Variants in SLC44A5 observed in about 807,000 individuals in gnomAD.
The protein encoded by SLC44A5 is solute carrier family 44 member 5.
Under a neutral mutation model 101.8 loss-of-function variants are expected in SLC44A5, and 57 were observed. The observed-to-expected ratio is 0.56, with a 90% CI of 0.45 to 0.70. The LOEUF (loss-of-function observed/expected upper bound fraction) is 0.70, where lower values mean the gene tolerates loss of function less well. Among genes scored for constraint, SLC44A5 ranks in the 30% least tolerant of loss-of-function variants. The probability of loss-of-function intolerance (pLI) is 0.00; values close to 1 mark genes in which losing one functional copy is unlikely to be tolerated. For missense variants in SLC44A5, 737 were observed against 853.1 expected, an observed-to-expected ratio of 0.86 and a Z score of 1.70; for synonymous variants, 281 against 290.9, an observed-to-expected ratio of 0.97 and a Z score of 0.35.
the SLC44A5 span, among the ~76,000 whole-genome samples, chr1:75,643,653 T>C: frequency 6.6e-6 from 1 of 152,214 alleles, no homozygotes; most frequent in South Asian, 2.1e-4. Context: ...GTTCTCAGGA[T>C]AGTAAATAAG....
chr1:75,532,285 C>T (rs1430965214), intron 2 of SLC44A5, among the ~76,000 whole-genome samples: 2 of 152,218 alleles, frequency 1.3e-5, no homozygotes, highest in Non-Finnish European at 2.9e-5. Flanking sequence ...GATTTAAAAT[C>T]CACCTCTTAC....
At chr1:75,442,282 C>T (rs1166276342) in intron 2 of SLC44A5, among the ~76,000 whole-genome samples, 1 of 151,992 alleles carries the variant, frequency 6.6e-6, no homozygotes, top group Non-Finnish European at 1.5e-5. Context: ...AATAATGAAC[C>T]TTGTTAAAGA....
chr1:75,256,675 A>G (rs1650047632), intron 6 of SLC44A5, among the ~76,000 whole-genome samples: 1 of 152,174 alleles, frequency 6.6e-6, no homozygotes, highest in Non-Finnish European at 1.5e-5. Flanking sequence ...GTATTTATAG[A>G]AAGTATTTCC....
intron 4 of SLC44A5, among the ~76,000 whole-genome samples, chr1:75,325,773 TG>T: frequency 6.6e-6 from 1 of 151,978 alleles, no homozygotes; most frequent in East Asian, 1.9e-4. Flanking sequence ...TGTGTGTGTG[TG>T]TGTGTAGAGT....
chr1:75,206,602 C>T (rs776096847), intron 23 of SLC44A5: 5 of 1,565,452 alleles, frequency 3.2e-6, no homozygotes, highest in Non-Finnish European at 4.4e-6. Context: ...CTGTTTGGAG[C>T]TTTTCTACTC....
chr1:75,228,858 T>A (rs1411174302), intron 12 of SLC44A5, among the ~76,000 whole-genome samples: 1 of 151,716 alleles, frequency 6.6e-6, no homozygotes, highest in African/African-American at 2.4e-5. Flanking sequence ...TTTTGTTATG[T>A]ACATTTTAAA....
intron 6 of SLC44A5, among the ~76,000 whole-genome samples, chr1:75,267,405 T>C (rs973885386): frequency 2.0e-5 from 3 of 152,188 alleles, no homozygotes; most frequent in Non-Finnish European, 4.4e-5. Context: ...TTTTAAATTA[T>C]TTAATTTTGG....
At chr1:75,539,800 A>T (rs1671254180) in intron 2 of SLC44A5, among the ~76,000 whole-genome samples, 1 of 152,192 alleles carries the variant, frequency 6.6e-6, no homozygotes, top group African/African-American at 2.4e-5. Flanking sequence ...TAAAAAGTAG[A>T]CGTCACTGTG....
At chr1:75,575,676 C>A (rs1373655556) in intron 1 of SLC44A5, among the ~76,000 whole-genome samples, 1 of 152,144 alleles carries the variant, frequency 6.6e-6, no homozygotes, top group Non-Finnish European at 1.5e-5. Flanking sequence ...GTATATATTT[C>A]TATTGTAATA....
At chr1:75,337,799 G>C (rs769421346) in intron 4 of SLC44A5, among the ~76,000 whole-genome samples, 1 of 152,160 alleles carries the variant, frequency 6.6e-6, no homozygotes, top group Non-Finnish European at 1.5e-5. Context: ...GGCACAAAAT[G>C]CTGCCCTTGT....
At chr1:75,278,283 C>G (rs1652099295) in intron 5 of SLC44A5, among the ~76,000 whole-genome samples, 1 of 151,900 alleles carries the variant, frequency 6.6e-6, no homozygotes, top group African/African-American at 2.4e-5. Context: ...TCCCTTTATG[C>G]TCTTAAATGT....
At chr1:75,574,216 T>C (rs889328969) in intron 1 of SLC44A5, among the ~76,000 whole-genome samples, 3 of 152,198 alleles carry the variant, frequency 2.0e-5, no homozygotes, top group Non-Finnish European at 2.9e-5. Context: ...TTTTCTGAGT[T>C]GCATTTTCAA....
chr1:75,568,189 G>A (rs952314983), intron 1 of SLC44A5, among the ~76,000 whole-genome samples: 1 of 152,080 alleles, frequency 6.6e-6, no homozygotes, highest in East Asian at 1.9e-4. Flanking sequence ...AAACTGTAAC[G>A]TATAATTTGT....
At chr1:75,342,279 T>C (rs1657941525) in intron 3 of SLC44A5, among the ~76,000 whole-genome samples, 1 of 152,332 alleles carries the variant, frequency 6.6e-6, no homozygotes, top group South Asian at 2.1e-4. Context: ...GTTCTTTACA[T>C]GTAGGTCTGC....
chr1:75,431,228 A>G (rs559452193), intron 2 of SLC44A5, among the ~76,000 whole-genome samples: 63 of 152,336 alleles, frequency 4.1e-4, no homozygotes, highest in African/African-American at 1.5e-3. Flanking sequence ...GCCTCAATAT[A>G]TTATCAAGGA....
the SLC44A5 span, among the ~76,000 whole-genome samples, chr1:75,697,263 T>C: frequency 2.0e-5 from 3 of 152,182 alleles, no homozygotes; most frequent in Admixed American, 2.0e-4. Context: ...TTTTTTAAAG[T>C]AGTTAAGAGA....
chr1:75,326,316 T>C (rs1429540669), intron 4 of SLC44A5, among the ~76,000 whole-genome samples: 1 of 151,562 alleles, frequency 6.6e-6, no homozygotes, highest in East Asian at 1.9e-4. Flanking sequence ...AAAATACTCA[T>C]CTTGCCCACC....
the SLC44A5 span, among the ~76,000 whole-genome samples, chr1:75,703,635 C>T: frequency 0.016 from 2,365 of 149,028 alleles, 72 homozygotes; most frequent in African/African-American, 0.054. Context: ...ACATTGTGCT[C>T]ATGTACCCTA....
At chr1:75,347,510 G>A (rs761318145) in intron 3 of SLC44A5, among the ~76,000 whole-genome samples, 2 of 152,064 alleles carry the variant, frequency 1.3e-5, no homozygotes, top group South Asian at 2.1e-4. Flanking sequence ...GGTAAACTAC[G>A]ATCTCTCACC....
Sources: gnomAD v4.1 joint callset for allele counts (sites outside exome capture counted in the v4.1 genomes callset) on GRCh38, gnomAD v4.1.1 for gene constraint, MANE v1.5 for transcripts, NCBI Gene and HGNC (gene_info 2026-07-23, HGNC 2026-07-21) for gene names.